The following IL4I1 variants were observed in gnomAD, a reference collection of about 807,000 sequenced individuals.
IL4I1 encodes the protein L-amino-acid oxidase.
In IL4I1, 24 loss-of-function variants were observed where a neutral mutation model predicts 29.7. That is an observed-to-expected ratio of 0.81 (90% CI 0.59 to 1.14). The LOEUF (loss-of-function observed/expected upper bound fraction) is 1.14, where lower values mean the gene tolerates loss of function less well. Among genes scored for constraint, IL4I1 ranks in the 50% most tolerant of loss-of-function variants. The pLI is 0.00. For synonymous variants in IL4I1, 371 were observed against 352.5 expected (o/e 1.05, Z -0.59); for missense variants, 686 against 785.6 (o/e 0.87, Z 1.52).
At chr19:49,901,105 C>A (rs1251732180), upstream of IL4I1, among the ~76,000 whole-genome samples, 1 of 152,192 alleles carries the variant, frequency 6.6e-6, no homozygotes, top group East Asian at 1.9e-4. Context: ...ATTGGCCAGA[C>A]GCGGTGGCTC....
In IL4I1 at chr19:49,890,995, T is replaced by G. The variant is rs746782149; in HGVS notation, c.749A>C (p.His250Pro). The G allele has an allele frequency of 1.5e-6, 2 of 1,355,326 alleles. No individual in the cohort carries two copies. The highest frequency in any genetic ancestry group is 2.0e-6 in the Non-Finnish European group (2 of 1,022,812). 84.0% of individuals were successfully genotyped at this position (1,355,326 alleles called of 1,614,324 possible). A position where few individuals can be genotyped will look rare whatever the true frequency, so the allele number is the denominator to read the frequency against. Residue 250 changes from histidine to proline, a missense_variant, in exon 7 of 8, where the codon CAC becomes CCC. His to Pro is a moderately conservative substitution (Grantham distance 77). Coordinates refer to ENST00000391826, the MANE Select transcript of IL4I1 (RefSeq NM_152899.2). ...YLSFAEALRAHSCLSDRLQYS... is the reference protein window; with the variant it reads ...YLSFAEALRAPSCLSDRLQYS... ...CTGGAGTCTGTCGCTGAGGCAGCTG[T>G]GGGCCCGGAGGGCCTCGGCGAAGCT... is the stretch of plus-strand genomic sequence containing the variant.
chr19:49,912,602 G>A (rs571768883), intron 2 of IL4I1, among the ~76,000 whole-genome samples: 3 of 152,258 alleles, frequency 2.0e-5, no homozygotes, highest in South Asian at 2.1e-4. Context: ...GGTGGCTCAC[G>A]CCTGTAATCC....
chr19:49,914,438 C>T (rs1408207622), intron 2 of IL4I1, among the ~76,000 whole-genome samples: 42 of 152,176 alleles, frequency 2.8e-4, no homozygotes, highest in Admixed American at 2.6e-3. Context: ...TCCAGAGAAG[C>T]GCTGCCTTGA....
At chr19:49,925,470 T>G (rs2075865767) in intron 2 of IL4I1, among the ~76,000 whole-genome samples, 1 of 144,270 alleles carries the variant, frequency 6.9e-6, no homozygotes, top group Non-Finnish European at 1.5e-5. Context: ...AAAAATAGCA[T>G]CCTACCTGGC....
chr19:49,929,082 C>T (rs1289271877), intron 1 of IL4I1: 1 of 152,418 alleles, frequency 6.6e-6, no homozygotes. Flanking sequence ...CCCCTGATCC[C>T]CAGGAGGAGG....
rs2075101870 is a variant in IL4I1, at chr19:49,889,692, G to A, written c.1682C>T (p.Thr561Ile). Residue 561 changes from threonine (T) to isoleucine (I), a missense_variant, in exon 8 of 8, where the codon ACC becomes ATC. Coordinates refer to ENST00000391826, the MANE Select transcript of IL4I1 (RefSeq NM_152899.2). ...VQGQLSLQNT[T>I]HTRTSH is the part of the protein sequence containing the mutation. Reference sequence around the variant, plus strand: ...ACTTTAATGCGAGGTCCTCGTGTGGGTCGTGTTTTGGAGAGATAACTGGCC... The same window carrying A: ...ACTTTAATGCGAGGTCCTCGTGTGGATCGTGTTTTGGAGAGATAACTGGCC... The A allele has an allele frequency of 6.7e-7, 1 of 1,502,280 alleles. No individual in the cohort carries two copies. The highest frequency in any genetic ancestry group is 8.9e-7 in the Non-Finnish European group (1 of 1,124,486). 93.1% of individuals were successfully genotyped at this position (1,502,280 alleles called of 1,614,324 possible).
rs1368897745 is a variant in IL4I1 at position 49,927,254 on chromosome 19, G to A, written c.-228+440C>T. On this transcript the variant is annotated intron_variant, in intron 2 of 9. Transcript: ENST00000341114. Reference sequence around the variant, plus strand: ...CAGGGTCACACAGCTAGTAAGAGGGGTGCAGTCAAGTTTTGAACTCATATA... The same window carrying A: ...CAGGGTCACACAGCTAGTAAGAGGGATGCAGTCAAGTTTTGAACTCATATA... 2.6e-5 allele frequency among the ~76,000 whole-genome samples: 4 copies of A among 152,106 alleles called. No individual in the cohort carries two copies. The East Asian group carries it at 5.8e-4, about 22-fold the overall frequency.
At position 49,889,870 on chromosome 19, in the gene IL4I1, T is replaced by G; in HGVS notation, c.1504A>C (p.Ile502Leu). 1 of 1,597,732 alleles carries G rather than the reference T, an allele frequency of 6.3e-7. No individual in the cohort carries two copies. The highest frequency in any genetic ancestry group is 8.5e-7 in the Non-Finnish European group (1 of 1,171,816). The change falls in exon 8 of 8, where the codon ATC becomes CTC. Residue 502 changes from isoleucine (I) to leucine (L), a missense_variant. Physicochemically the swap from Ile to Leu is conservative, Grantham distance 5. Transcript: ENST00000391826. ...GGCCCCTTCCGGCTGTTGATCTTGATGGCGGCGCGCAGCGCCGACTTGACC... is the reference window on the plus strand; with the variant it reads ...GGCCCCTTCCGGCTGTTGATCTTGAGGGCGGCGCGCAGCGCCGACTTGACC... ...TAVKSALRAA[I>L]KINSRKGPAS...
intron 3 of IL4I1, among the ~76,000 whole-genome samples, chr19:49,903,414 G>A (rs914417329): frequency 1.3e-5 from 2 of 152,186 alleles, no homozygotes; most frequent in Admixed American, 1.3e-4. Context: ...AAGTCACCAG[G>A]GCCCTGGTGT....
Position 49,889,874 on chromosome 19 carries a change from G to C in IL4I1, c.1500C>G (p.Ala500=). 2 of 1,599,190 alleles carry C rather than the reference G, an allele frequency of 1.3e-6. No homozygotes were observed. The highest frequency in any genetic ancestry group is 1.7e-6 in the Non-Finnish European group (2 of 1,172,708). The change falls in exon 8 of 8, where the codon GCC becomes GCG. Residue 500 remains alanine, a synonymous_variant. Coordinates refer to ENST00000391826, the MANE Select transcript of IL4I1 (RefSeq NM_152899.2). ...CCTTCCGGCTGTTGATCTTGATGGC[G>C]GCGCGCAGCGCCGACTTGACCGCCG... ...VETAVKSALR[A]AIKINSRKGP...
intron 2 of IL4I1, among the ~76,000 whole-genome samples, chr19:49,915,201 T>C (rs1249785427): frequency 1.3e-5 from 2 of 152,164 alleles, no homozygotes; most frequent in Non-Finnish European, 2.9e-5. Flanking sequence ...GCCCACACTC[T>C]GATCCAGGAC....
In IL4I1 at chr19:49,890,555, C is replaced by A; in HGVS notation, c.819G>T (p.Leu273=). The change falls in exon 8 of 8, where the codon CTG becomes CTT. Residue 273 remains leucine, a synonymous_variant. Transcript: ENST00000391826. ...VGGWDLLPRA[L]LSSLSGLVLL... ...GCACAAGCCCGGACAGCGAGCTCAGCAGCGCGCGCGGCAGCAGGTCCCAGC... is the reference window on the plus strand; with the variant it reads ...GCACAAGCCCGGACAGCGAGCTCAGAAGCGCGCGCGGCAGCAGGTCCCAGC... 1 of 1,596,986 alleles carries A rather than the reference C, an allele frequency of 6.3e-7. No individual in the cohort carries two copies. The highest frequency in any genetic ancestry group is 8.5e-7 in the Non-Finnish European group (1 of 1,174,258).
At chr19:49,900,526 G>A (rs886118471), upstream of IL4I1, among the ~76,000 whole-genome samples, 10 of 152,144 alleles carry the variant, frequency 6.6e-5, no homozygotes, top group East Asian at 1.9e-3. Context: ...GACCTCAGGT[G>A]ATCCACCCAC....
At chr19:49,922,077 C>T (rs181745322) in intron 2 of IL4I1, among the ~76,000 whole-genome samples, 38 of 152,338 alleles carry the variant, frequency 2.5e-4, no homozygotes, top group Admixed American at 2.1e-3. Flanking sequence ...ACCACAGAAA[C>T]GACCAAACAC....
chr19:49,908,002 AG>A, intron 2 of IL4I1: 1 of 806,200 alleles, frequency 1.2e-6, no homozygotes, highest in Non-Finnish European at 1.9e-6. Flanking sequence ...AAGGGGCCAA[AG>A]ATACTCAAAT....
chr19:49,914,881 A>T (rs908176912), intron 2 of IL4I1, among the ~76,000 whole-genome samples: 1 of 151,602 alleles, frequency 6.6e-6, no homozygotes, highest in South Asian at 2.1e-4. Context: ...CTGGGATTAC[A>T]GGCGTGCACC....
chr19:49,896,278 G>T (rs2075209594), intron 1 of IL4I1, 96 bp from the exon 2 acceptor site: 1 of 1,391,144 alleles, frequency 7.2e-7, no homozygotes. Flanking sequence ...GCTAGAGCCG[G>T]CCCTCCCCCA....
chr19:49,906,439 T>G (rs1290331763), intron 2 of IL4I1, among the ~76,000 whole-genome samples: 2 of 152,158 alleles, frequency 1.3e-5, no homozygotes, highest in African/African-American at 4.8e-5. Context: ...CTTGAATCCC[T>G]GACCTCAAGT....
intron 2 of IL4I1, chr19:49,908,777 A>T: frequency 6.2e-7 from 1 of 1,613,728 alleles, no homozygotes; most frequent in Non-Finnish European, 8.5e-7. Context: ...CTGGTCCTCT[A>T]GCTCCAGGCT....
Sources: gnomAD v4.1 joint callset for allele counts (sites outside exome capture counted in the v4.1 genomes callset) on GRCh38, gnomAD v4.1.1 for gene constraint, MANE v1.5 for transcripts, NCBI Gene and HGNC (gene_info 2026-07-23, HGNC 2026-07-21) for gene names.